The following CES5A variants were observed in gnomAD, a reference collection of about 807,000 sequenced individuals.
CES5A encodes the protein carboxylesterase 5A.
A neutral mutation model predicts 62.9 loss-of-function variants in CES5A; 67 were observed. That is an observed-to-expected ratio of 1.07 (90% CI 0.88 to 1.31). The LOEUF is 1.31. Ranked by LOEUF, CES5A falls within the 50% of genes most tolerant of loss-of-function variation. The pLI is 0.00. For missense variants in CES5A, 748 were observed against 708.5 expected, an observed-to-expected ratio of 1.06 and a Z score of -0.63; for synonymous variants, 296 against 280.8, an observed-to-expected ratio of 1.05 and a Z score of -0.54.
At chr16:55,931,105 T>C (rs796892854) in intron 2 of CES5A, among the ~76,000 whole-genome samples, 22 of 152,318 alleles carry the variant, frequency 1.4e-4, no homozygotes, top group African/African-American at 5.1e-4. Flanking sequence ...CAGTAATTAG[T>C]GACAGAATCA....
chr16:55,849,306 A>T (rs1347490783), intron 11 of CES5A, among the ~76,000 whole-genome samples: 1 of 152,062 alleles, frequency 6.6e-6, no homozygotes, highest in Non-Finnish European at 1.5e-5. Flanking sequence ...GAGGGAGGGT[A>T]AGACCAGTGG....
chr16:55,863,366 A>G lies in CES5A; in HGVS notation c.792T>C (p.Asp264=), dbSNP rs759387702. The change falls in exon 6 of 13, where the codon GAT becomes GAC. Residue 264 remains aspartate, a synonymous_variant. Coordinates refer to ENST00000290567, the MANE Select transcript of CES5A (RefSeq NM_001143685.2). ...TACGTACGTCCTCACTCTTCTCATA[A>G]TCATGGGCCTCCAGGTAAGGGATGA... The part of the protein sequence containing the change: ...VAIIPYLEAH[D]YEKSEDLQVV... 6.3e-7 allele frequency: 1 copy of G among 1,586,272 alleles called. No individual in the cohort carries two copies. The highest frequency in any genetic ancestry group is 8.7e-7 in the Non-Finnish European group (1 of 1,154,896).
chr16:55,930,547 G>A (rs1356160831), intron 2 of CES5A, among the ~76,000 whole-genome samples: 1 of 152,134 alleles, frequency 6.6e-6, no homozygotes, highest in Non-Finnish European at 1.5e-5. Context: ...GTGCCACCTT[G>A]GGACTCTGCA....
rs1444308278 is a variant in CES5A at position 55,875,188 on chromosome 16, G to A, written c.34C>T (p.Leu12=). ...SGNWVHPGQI[L]IWAIWVLAAP... ...GCAAGGACCCAGATAGCCCAAATTA[G>A]GATCTGGCCTGGGTGCACCCAATTC... The change falls in exon 1 of 13, where the codon CTA becomes TTA. Residue 12 remains leucine, a synonymous_variant. Transcript: ENST00000290567. The A allele has an allele frequency of 1.9e-6, 3 of 1,614,042 alleles. No individual in the cohort carries two copies. Among genetic ancestry groups the A allele is most frequent in the Non-Finnish European group, 1.7e-6 (2 of 1,179,988 alleles).
intron 10 of CES5A, among the ~76,000 whole-genome samples, chr16:55,851,649 A>G (rs1387255474): frequency 6.6e-6 from 1 of 152,234 alleles, no homozygotes; most frequent in African/African-American, 2.4e-5. Context: ...TACCTCTGGC[A>G]TATACCTCAA....
chr16:55,944,350 ACT>A, intron 2 of CES5A: 1 of 471,482 alleles, frequency 2.1e-6, no homozygotes, highest in South Asian at 3.3e-5. Context: ...AACAGAATAA[ACT>A]CTCTACCACC....
intron 10 of CES5A, among the ~76,000 whole-genome samples, chr16:55,851,003 A>G (rs2033122022): frequency 6.6e-6 from 1 of 152,240 alleles, no homozygotes; most frequent in Non-Finnish European, 1.5e-5. Context: ...AAAATGGATC[A>G]AAGACCTAAA....
intron 1 of CES5A, among the ~76,000 whole-genome samples, chr16:55,919,296 G>T (rs1209117938): frequency 6.6e-6 from 1 of 152,224 alleles, no homozygotes; most frequent in African/African-American, 2.4e-5. Flanking sequence ...CATATAGTCA[G>T]AGAAACAGAC....
intron 1 of CES5A, among the ~76,000 whole-genome samples, chr16:55,911,926 G>T (rs1189712328): frequency 6.6e-6 from 1 of 152,140 alleles, no homozygotes; most frequent in Non-Finnish European, 1.5e-5. Context: ...TGTATTCTTT[G>T]GTCTAGTTGA....
intron 1 of CES5A, among the ~76,000 whole-genome samples, chr16:55,884,286 T>C (rs2033791157): frequency 6.6e-6 from 1 of 152,246 alleles, no homozygotes; most frequent in Non-Finnish European, 1.5e-5. Flanking sequence ...TCCTTTATCA[T>C]GCATGTGAAG....
rs2033397876 is a variant in CES5A, at chr16:55,863,582, T to G, written c.706-130A>C. 4 of 633,360 alleles carry G rather than the reference T, an allele frequency of 6.3e-6. No individual in the cohort carries two copies. The South Asian group carries it at 7.7e-5, about 12-fold the overall frequency. The allele number at this position is 633,360 out of a possible 1,614,324, so 39.2% of individuals were successfully genotyped here. ...CTAAGCTTAGAGGGGAAAAAAGCCC[T>G]GGTTTAGGGGTTAAAGGACTAGCTG... On this transcript the variant is annotated intron_variant, in intron 5 of 12. Transcript: ENST00000290567.
At chr16:55,886,865 A>G (rs1432198375) in intron 1 of CES5A, among the ~76,000 whole-genome samples, 1 of 151,898 alleles carries the variant, frequency 6.6e-6, no homozygotes, top group Non-Finnish European at 1.5e-5. Context: ...TAATCCCATG[A>G]TTACATAGGA....
At chr16:55,854,926 C>A (rs145035020) in intron 9 of CES5A, among the ~76,000 whole-genome samples, 2 of 152,184 alleles carry the variant, frequency 1.3e-5, no homozygotes. Flanking sequence ...TAGCTTACAA[C>A]AGCTGAAAGC....
intron 4 of CES5A, among the ~76,000 whole-genome samples, chr16:55,866,396 A>G (rs2033460869): frequency 6.6e-6 from 1 of 152,206 alleles, no homozygotes; most frequent in Non-Finnish European, 1.5e-5. Context: ...CATGAATCCC[A>G]ATCCATGAAT....
intron 1 of CES5A, among the ~76,000 whole-genome samples, chr16:55,894,510 A>AAAAG (rs1326029015): frequency 1.3e-5 from 2 of 151,154 alleles, no homozygotes; most frequent in Non-Finnish European, 3.0e-5. Flanking sequence ...AAAAAAAAAA[A>AAAAG]AAAAAGAAAA....
chr16:55,910,390 T>C (rs1350171245), intron 1 of CES5A, among the ~76,000 whole-genome samples: 2 of 152,100 alleles, frequency 1.3e-5, no homozygotes, highest in Non-Finnish European at 2.9e-5. Flanking sequence ...ACAGCTTCAG[T>C]CCACCTCTTC....
rs79631935 is a variant in CES5A at position 55,918,163 on chromosome 16, T to C, written c.-256+7160A>G. Among the ~76,000 whole-genome samples the C allele has an allele frequency of 0.013, 1,982 of 152,252 alleles. 122 individuals carry two copies. The East Asian group carries it at 0.2, about 15-fold the overall frequency. Reference sequence around the variant, plus strand: ...TTCTATTTTGTGTCCAGCTTGTCTTTCTAATGGTAGGTCTCGCTGACCAAC... The same window carrying C: ...TTCTATTTTGTGTCCAGCTTGTCTTCCTAATGGTAGGTCTCGCTGACCAAC... On this transcript the variant is annotated intron_variant, in intron 1 of 12. Coordinates refer to the CES5A transcript ENST00000518005.
chr16:55,909,379 A>C (rs1033806927), intron 1 of CES5A, among the ~76,000 whole-genome samples: 1 of 152,212 alleles, frequency 6.6e-6, no homozygotes, highest in African/African-American at 2.4e-5. Context: ...CAGCAAAACC[A>C]GACTGTGCCT....
At chr16:55,888,677 T>A (rs1440592626) in intron 1 of CES5A, among the ~76,000 whole-genome samples, 3 of 152,238 alleles carry the variant, frequency 2.0e-5, no homozygotes, top group Non-Finnish European at 2.9e-5. Context: ...CATTTATTGG[T>A]TGTGTCAGTC....
Sources: allele counts gnomAD v4.1 joint callset (sites outside exome capture counted in the v4.1 genomes callset), GRCh38; gene constraint gnomAD v4.1.1; transcripts MANE v1.5; gene names NCBI Gene and HGNC (gene_info 2026-07-23, HGNC 2026-07-21).